Variants in KAT6A observed in about 807,000 individuals in gnomAD.
KAT6A encodes the protein histone acetyltransferase KAT6A.
KAT6A carries 9 observed loss-of-function variants against 198.4 expected under a neutral mutation model. The ratio of observed to expected loss-of-function variants is 0.05; its 90% CI spans 0.03 to 0.08. KAT6A has a LOEUF of 0.08. KAT6A is among the 10% of genes least tolerant of loss of function. KAT6A has a pLI of 1.00. For synonymous variants in KAT6A, 890 were observed against 883.0 expected (o/e 1.01, Z -0.14); for missense variants, 2,077 against 2,509.9 (o/e 0.83, Z 3.69).
At position 41,978,761 on chromosome 8, in the gene KAT6A, T is replaced by C. The variant is rs1587773616; in HGVS notation, c.924A>G (p.Gln308=). Residue 308 remains glutamine (Q), a synonymous_variant, in exon 6 of 17, where the codon CAA becomes CAG. Coordinates refer to ENST00000265713, the MANE Select transcript of KAT6A (RefSeq NM_006766.5). The part of the protein sequence containing the change: ...TRMPKGMWIC[Q]ICRPRKKGRK... Reference sequence around the variant, plus strand: ...GTCCTTTTTTCCTAGGTCGACATATTTGACATATCCACATGCCTATAAAAA... The same window carrying C: ...GTCCTTTTTTCCTAGGTCGACATATCTGACATATCCACATGCCTATAAAAA... 1.2e-6 allele frequency: 2 copies of C among 1,613,914 alleles called. No homozygotes were observed. Among genetic ancestry groups the C allele is most frequent in the Non-Finnish European group, 1.7e-6 (2 of 1,179,894 alleles).
At chr8:42,004,959 T>C (rs1403456589) in intron 2 of KAT6A, among the ~76,000 whole-genome samples, 1 of 151,916 alleles carries the variant, frequency 6.6e-6, no homozygotes, top group Non-Finnish European at 1.5e-5. Flanking sequence ...TTTCTGCATA[T>C]AAATGGAATC....
chr8:41,949,309 A>G lies in KAT6A; in HGVS notation c.1653T>C (p.Thr551=). 1 of 1,575,094 alleles carries G rather than the reference A, an allele frequency of 6.3e-7. No individual in the cohort carries two copies. Among genetic ancestry groups the G allele is most frequent in the South Asian group, 1.2e-5 (1 of 83,172 alleles). The change falls in exon 10 of 17, where the codon ACT becomes ACC. Residue 551 remains threonine (T), a synonymous_variant. Coordinates refer to ENST00000265713, the MANE Select transcript of KAT6A (RefSeq NM_006766.5). ...EFCLKYMKSR[T]ILQQHMKKCG... The stretch of plus-strand genomic sequence containing the variant: ...ATTTCTTCATGTGCTGCTGCAGAAT[A>G]GTTCTACTTTTCATATATTTTAGAC...
At chr8:42,017,412 T>A (rs1334123888) in intron 2 of KAT6A, among the ~76,000 whole-genome samples, 1 of 152,088 alleles carries the variant, frequency 6.6e-6, no homozygotes, top group Non-Finnish European at 1.5e-5. Flanking sequence ...CGTCATAGTA[T>A]CAGTATGCCT....
Position 41,941,205 on chromosome 8 carries a change from A to G in KAT6A, c.2676T>C (p.Ser892=). The change falls in exon 15 of 17, where the codon TCT becomes TCC. Residue 892 remains serine, a synonymous_variant. Coordinates refer to ENST00000265713, the MANE Select transcript of KAT6A (RefSeq NM_006766.5). Reference sequence around the variant, plus strand: ...CTCCATATTGTTCCTGAGGAGCTGAAGACGTCTCTTCCAAGAGCAGTTTAG... The same window carrying G: ...CTCCATATTGTTCCTGAGGAGCTGAGGACGTCTCTTCCAAGAGCAGTTTAG... ...KDSKLLLEET[S]SAPQEQYGEC... 1 of 1,614,114 alleles carries G rather than the reference A, an allele frequency of 6.2e-7. No homozygotes were observed. The highest frequency in any genetic ancestry group is 8.5e-7 in the Non-Finnish European group (1 of 1,180,030).
chr8:42,018,750 C>T (rs1002633208), intron 2 of KAT6A, among the ~76,000 whole-genome samples: 1 of 151,936 alleles, frequency 6.6e-6, no homozygotes, highest in Non-Finnish European at 1.5e-5. Flanking sequence ...TGGTGAAACC[C>T]CATCTCTACT....
At chr8:42,042,221 G>A (rs552492937) in intron 2 of KAT6A, among the ~76,000 whole-genome samples, 11 of 152,204 alleles carry the variant, frequency 7.2e-5, no homozygotes, top group African/African-American at 2.4e-4. Context: ...CACTCTGGGA[G>A]GCCGAGGCAG....
intron 2 of KAT6A, among the ~76,000 whole-genome samples, chr8:42,013,703 A>G (rs1027669580): frequency 1.3e-5 from 2 of 152,196 alleles, no homozygotes; most frequent in African/African-American, 4.8e-5. Flanking sequence ...TTACTTATTT[A>G]TTAACCTATT....
intron 2 of KAT6A, among the ~76,000 whole-genome samples, chr8:41,996,399 T>C (rs946611445): frequency 1.3e-5 from 2 of 152,188 alleles, no homozygotes; most frequent in African/African-American, 4.8e-5. Context: ...ACACATATAA[T>C]TCATGTAATA....
chr8:42,006,728 T>C (rs931455197), intron 2 of KAT6A, among the ~76,000 whole-genome samples: 1 of 152,074 alleles, frequency 6.6e-6, no homozygotes, highest in African/African-American at 2.4e-5. Context: ...CTGGGCACAG[T>C]GTCATGCCTG....
intron 2 of KAT6A, among the ~76,000 whole-genome samples, chr8:42,014,111 T>C (rs1174152137): frequency 6.6e-6 from 1 of 152,070 alleles, no homozygotes; most frequent in East Asian, 1.9e-4. Context: ...TTCAACCATT[T>C]AGAATTGTTA....
intron 2 of KAT6A, among the ~76,000 whole-genome samples, chr8:42,011,030 C>T (rs1825995209): frequency 6.6e-6 from 1 of 152,138 alleles, no homozygotes; most frequent in African/African-American, 2.4e-5. Flanking sequence ...ATCTAATTCC[C>T]AGATCAGTTG....
chr8:41,963,005 A>ATCC (rs1361562642), intron 8 of KAT6A, among the ~76,000 whole-genome samples: 1 of 151,936 alleles, frequency 6.6e-6, no homozygotes, highest in Non-Finnish European at 1.5e-5. Context: ...GCATACATTA[A>ATCC]TCCTCTCCCT....
intron 2 of KAT6A, among the ~76,000 whole-genome samples, chr8:42,010,173 C>T (rs1587820891): frequency 6.6e-6 from 1 of 151,928 alleles, no homozygotes; most frequent in Non-Finnish European, 1.5e-5. Context: ...GGTGTGGTCG[C>T]GCACGCATGT....
At chr8:42,008,549 G>T (rs1433125934) in intron 2 of KAT6A, among the ~76,000 whole-genome samples, 1 of 152,042 alleles carries the variant, frequency 6.6e-6, no homozygotes, top group African/African-American at 2.4e-5. Context: ...ACGTTGCCCA[G>T]GCTGGTCTCG....
chr8:41,972,892 C>T (rs1241034524), intron 8 of KAT6A, among the ~76,000 whole-genome samples: 1 of 152,186 alleles, frequency 6.6e-6, no homozygotes, highest in African/African-American at 2.4e-5. Flanking sequence ...ACTACTGCCT[C>T]CTTTCAGTTC....
intron 8 of KAT6A, among the ~76,000 whole-genome samples, chr8:41,969,349 T>A (rs1027560162): frequency 6.6e-6 from 1 of 152,202 alleles, no homozygotes; most frequent in African/African-American, 2.4e-5. Flanking sequence ...CTAGTCAACA[T>A]GAACTTTCCC....
chr8:41,964,443 A>G (rs1045335838), intron 8 of KAT6A, among the ~76,000 whole-genome samples: 6 of 152,120 alleles, frequency 3.9e-5, no homozygotes, highest in African/African-American at 1.2e-4. Flanking sequence ...TGAAAACTGC[A>G]GATAGTATTA....
At chr8:41,989,561 G>GTGACGTAACA (rs1554690602) in intron 2 of KAT6A, among the ~76,000 whole-genome samples, 4 of 151,762 alleles carry the variant, frequency 2.6e-5, no homozygotes, top group African/African-American at 7.3e-5. Flanking sequence ...GTGACGTGAC[G>GTGACGTAACA]TAACATAACA....
rs34721456 is a variant in KAT6A at position 41,948,901 on chromosome 8, ACAT to A, written c.1740+318_1740+320del. On this transcript the variant is annotated intron_variant, in intron 10 of 16. Transcript: ENST00000265713. ...TAGAGAATCACAGAGCAGAGGTCAC[ACAT>A]CATCATCATCATCATCATCATCATC... Among the ~76,000 whole-genome samples the A allele has an allele frequency of 0.028, 4,220 of 151,140 alleles. 149 individuals are homozygous for A. The highest frequency in any genetic ancestry group is 0.082 in the African/African-American group (3,379 of 40,998).
Sources: allele counts gnomAD v4.1 joint callset (sites outside exome capture counted in the v4.1 genomes callset), GRCh38; gene constraint gnomAD v4.1.1; transcripts MANE v1.5; gene names NCBI Gene and HGNC (gene_info 2026-07-23, HGNC 2026-07-21).